GTF3C1: variants seen among roughly 807,000 people sequenced by gnomAD.
GTF3C1 encodes the protein general transcription factor 3C polypeptide 1.
GTF3C1 carries 57 observed loss-of-function variants against 226.7 expected under a neutral mutation model. That is an observed-to-expected ratio of 0.25 (90% CI 0.20 to 0.31). GTF3C1 has a LOEUF of 0.31. Among genes scored for constraint, GTF3C1 ranks in the 10% least tolerant of loss-of-function variants. GTF3C1 has a pLI of 1.00. For synonymous variants in GTF3C1, 1,090 were observed against 1,084.8 expected (o/e 1.00, Z -0.09); for missense variants, 2,217 against 2,776.1 (o/e 0.80, Z 4.53).
intron 4 of GTF3C1, among the ~76,000 whole-genome samples, chr16:27,534,380 G>T (rs995159623): frequency 6.6e-6 from 1 of 152,200 alleles, no homozygotes; most frequent in Non-Finnish European, 1.5e-5. Context: ...GCACAGCTTG[G>T]CTTGACTTAC....
At position 27,483,063 on chromosome 16, in the gene GTF3C1, C is replaced by A; in HGVS notation, c.4064G>T (p.Gly1355Val). 1.2e-6 allele frequency: 2 copies of A among 1,614,216 alleles called. No individual in the cohort carries two copies. The highest frequency in any genetic ancestry group is 8.5e-7 in the Non-Finnish European group (1 of 1,180,032). The change falls in exon 26 of 37, where the codon GGT (glycine) becomes GTT (valine). Residue 1355 changes from glycine to valine, a missense_variant. Gly to Val is a moderately radical substitution (Grantham distance 109). Around this residue, in one of 12 missense-constraint regions of GTF3C1, gnomAD observed 546 missense variants for 663.0 expected, o/e 0.82. Transcript: ENST00000356183. ...ACCTACCTTTGGGTCATCATAGTCACCTCTTCGATTCATGAAATCTCCAAC... is the reference window on the plus strand; with the variant it reads ...ACCTACCTTTGGGTCATCATAGTCAACTCTTCGATTCATGAAATCTCCAAC... ...ALVGDFMNRR[G>V]DYDDPKVCAN...
At chr16:27,468,281 G>T (rs2087813180) in intron 32 of GTF3C1, among the ~76,000 whole-genome samples, 1 of 152,190 alleles carries the variant, frequency 6.6e-6, no homozygotes. Context: ...TCCTGGTAAA[G>T]ACGCTGAGAA....
Position 27,462,137 on chromosome 16 carries a change from C to G in GTF3C1, c.6117+157G>C. On this transcript the variant is annotated intron_variant, in intron 36 of 36. Transcript: ENST00000356183. This position sits in a 1 kb window ranked among gnomAD's most constrained non-coding sequence, Gnocchi z 4.5. ...GGAGCTGGTGAAGGACACTGAGGGA[C>G]AGCCTGAGAGGCAGGAGCCCAGGAC... 1.6e-6 allele frequency: 1 copy of G among 612,528 alleles called. No homozygotes were observed. The highest frequency in any genetic ancestry group is 2.9e-6 in the Non-Finnish European group (1 of 345,234). The allele number at this position is 612,528 out of a possible 1,614,324, so 37.9% of individuals were successfully genotyped here.
intron 5 of GTF3C1, among the ~76,000 whole-genome samples, chr16:27,532,580 T>TG (rs1453785863): frequency 6.6e-6 from 1 of 152,170 alleles, no homozygotes; most frequent in African/African-American, 2.4e-5. Context: ...CCACAGCCTC[T>TG]GCTCTGGGGC....
rs2088262368 is a variant in GTF3C1, at chr16:27,493,399, AACCTGCCCACTGGGCTCTCCTTCCT to A, written c.2779-128_2779-104del. 4.3e-6 allele frequency: 3 copies of A among 691,924 alleles called. No individual in the cohort carries two copies. The African/African-American group carries it at 5.3e-5, about 12-fold the overall frequency. 42.9% of individuals were successfully genotyped at this position (691,924 alleles called of 1,614,324 possible). ...CTATTTTCTGACCATAGTCTCCCTG[AACCTGCCCACTGGGCTCTCCTTCCT>A]GCCCCACCAAGTGCCCCTGCATCTC... On this transcript the variant is annotated intron_variant, in intron 16 of 36. Coordinates refer to ENST00000356183, the MANE Select transcript of GTF3C1 (RefSeq NM_001520.4).
At position 27,469,008 on chromosome 16, in the gene GTF3C1, TCTTC is replaced by T. The variant is rs1440049923; in HGVS notation, c.5074+279_5074+282del. On this transcript the variant is annotated intron_variant, in intron 32 of 36. Transcript: ENST00000356183. The surrounding 1 kb of genome is among the most constrained non-coding windows in gnomAD (Gnocchi z 4.5). The stretch of plus-strand genomic sequence containing the variant: ...GGGTGGGGAAGCGGAAGTGCTCTGC[TCTTC>T]CTTGTGAGCCCACCTGAGTGACTGC... Among the ~76,000 whole-genome samples the T allele has an allele frequency of 6.6e-6, 1 of 152,182 alleles. No individual in the cohort carries two copies. Among genetic ancestry groups the T allele is most frequent in the Non-Finnish European group, 1.5e-5 (1 of 68,028 alleles).
chr16:27,534,490 C>T (rs1253211284), intron 4 of GTF3C1, among the ~76,000 whole-genome samples: 2 of 152,328 alleles, frequency 1.3e-5, no homozygotes, highest in South Asian at 2.1e-4. Flanking sequence ...AATGGAGGGA[C>T]AGACAGTTAA....
chr16:27,462,442 A>G lies in GTF3C1; in HGVS notation c.5969T>C (p.Val1990Ala). 6.2e-7 allele frequency: 1 copy of G among 1,613,658 alleles called. No homozygotes were observed. Among genetic ancestry groups the G allele is most frequent in the East Asian group, 2.2e-5 (1 of 44,870 alleles). ...TACAGGAAGGTTCAGGTGGCCATCC[A>G]CGACACGCCACGGCCGGCCGATGAA... is the stretch of plus-strand genomic sequence containing the variant. ...VCFIGRPWRV[V>A]DGHLNLPVCK... Residue 1990 changes from valine (V) to alanine (A), a missense_variant, in exon 36 of 37, where the codon GTG (valine) becomes GCG (alanine). By Grantham distance (64) the Val-to-Ala change is moderately conservative. Coordinates refer to ENST00000356183, the MANE Select transcript of GTF3C1 (RefSeq NM_001520.4). This position sits in a 1 kb window ranked among gnomAD's most constrained non-coding sequence, Gnocchi z 4.5.
intron 5 of GTF3C1, among the ~76,000 whole-genome samples, chr16:27,532,554 T>C (rs1773708463): frequency 6.6e-6 from 1 of 152,106 alleles, no homozygotes; most frequent in Non-Finnish European, 1.5e-5. Context: ...CCTTTCTCCC[T>C]CTCGCGCTCC....
At chr16:27,481,951 T>C (rs978323105) in intron 26 of GTF3C1, among the ~76,000 whole-genome samples, 8 of 152,170 alleles carry the variant, frequency 5.3e-5, no homozygotes, top group African/African-American at 1.7e-4. Context: ...CCAGTCTCAA[T>C]TTGCTGTGGG....
chr16:27,502,081 G>T (rs1435949091), intron 11 of GTF3C1, among the ~76,000 whole-genome samples: 2 of 149,452 alleles, frequency 1.3e-5, no homozygotes, highest in South Asian at 2.1e-4. Flanking sequence ...GTGTCAGAGT[G>T]AGACTCCATC....
At chr16:27,508,097 C>T (rs1275515993) in intron 8 of GTF3C1, among the ~76,000 whole-genome samples, 1 of 152,250 alleles carries the variant, frequency 6.6e-6, no homozygotes, top group Non-Finnish European at 1.5e-5. Flanking sequence ...GCAACCTCTG[C>T]CTCCTGGGTT....
intron 29 of GTF3C1, among the ~76,000 whole-genome samples, chr16:27,475,769 G>A (rs1452433581): frequency 6.6e-6 from 1 of 152,206 alleles, no homozygotes; most frequent in Non-Finnish European, 1.5e-5. Context: ...ACTGCCCACG[G>A]AAAGGCAGCT....
intron 29 of GTF3C1, among the ~76,000 whole-genome samples, chr16:27,472,164 A>G (rs1567386371): frequency 6.6e-6 from 1 of 152,122 alleles, no homozygotes; most frequent in Non-Finnish European, 1.5e-5. Flanking sequence ...AGAGACCACA[A>G]AGGACAGGGA....
Position 27,463,541 on chromosome 16 carries a change from CT to C in GTF3C1, c.5923del (p.Arg1975GlyfsTer20). On this transcript the variant is annotated frameshift_variant and splice_region_variant, in exon 35 of 37. Coordinates refer to ENST00000356183, the MANE Select transcript of GTF3C1 (RefSeq NM_001520.4). LOFTEE classifies it high-confidence loss of function. This position sits in a 1 kb window ranked among gnomAD's most constrained non-coding sequence, Gnocchi z 4.9. ...AANISQAARE[R>X]DCESVCFIGR... Reference sequence around the variant, plus strand: ...CCCGGAGCCAGAACCCCACACCCACCTTTCCCGTGCTGCCTGGGAGATGTTG... The same window carrying C: ...CCCGGAGCCAGAACCCCACACCCACCTTCCCGTGCTGCCTGGGAGATGTTG... 6.3e-7 allele frequency: 1 copy of C among 1,583,484 alleles called. No homozygotes were observed. The highest frequency in any genetic ancestry group is 8.7e-7 in the Non-Finnish European group (1 of 1,151,996).
At chr16:27,523,400 C>T (rs1240489180) in intron 6 of GTF3C1, among the ~76,000 whole-genome samples, 3 of 151,668 alleles carry the variant, frequency 2.0e-5, no homozygotes, top group Admixed American at 2.0e-4. Context: ...ATACTAGATC[C>T]AGGTATATCT....
At chr16:27,480,911 T>C (rs2088034042) in intron 27 of GTF3C1, 168 bp downstream of exon 27, 3 of 612,386 alleles carry the variant, frequency 4.9e-6, no homozygotes, top group East Asian at 5.5e-5. Flanking sequence ...CTAGGTCCCA[T>C]TCTGTGTTCA....
chr16:27,509,539 C>T (rs1339693025), intron 7 of GTF3C1, among the ~76,000 whole-genome samples: 5 of 151,770 alleles, frequency 3.3e-5, no homozygotes, highest in Non-Finnish European at 5.9e-5. Flanking sequence ...GGGCGGATCA[C>T]GAGGTCAGGA....
At chr16:27,527,836 T>C (rs2088856033) in intron 6 of GTF3C1, among the ~76,000 whole-genome samples, 1 of 151,978 alleles carries the variant, frequency 6.6e-6, no homozygotes, top group Non-Finnish European at 1.5e-5. Context: ...ACTTTCTCGC[T>C]ACAAAAAAAT....
Sources: gnomAD v4.1 joint callset for allele counts (sites outside exome capture counted in the v4.1 genomes callset) on GRCh38, gnomAD v4.1.1 for gene constraint, gnomAD v4.1.1 regional missense constraint, Gnocchi (gnomAD v3.1) non-coding constraint, MANE v1.5 for transcripts, NCBI Gene and HGNC (gene_info 2026-07-23, HGNC 2026-07-21) for gene names.